The following KCNJ12 variants were observed in gnomAD, a reference collection of about 807,000 sequenced individuals.
KCNJ12 encodes potassium inwardly rectifying channel subfamily J member 12, also known as ATP-sensitive inward rectifier potassium channel 12.
KCNJ12 carries 2 observed loss-of-function variants against 22.3 expected under a neutral mutation model. The ratio of observed to expected loss-of-function variants is 0.09; its 90% CI spans 0.04 to 0.28. KCNJ12 has a LOEUF of 0.28. Among genes scored for constraint, KCNJ12 ranks in the 10% least tolerant of loss-of-function variants. The pLI, the probability that KCNJ12 is intolerant of heterozygous loss-of-function variation, is 1.00. For missense variants in KCNJ12, 155 were observed against 633.3 expected (o/e 0.24, Z 8.11); for synonymous variants, 117 against 261.4 (o/e 0.45, Z 5.33).
intron 2 of KCNJ12, among the ~76,000 whole-genome samples, chr17:21,411,206 C>T (rs12450180): frequency 1.6e-4 from 24 of 152,388 alleles, no homozygotes; most frequent in East Asian, 5.8e-4. Context: ...CAGTTCCATC[C>T]GGAAGCACCT....
chr17:21,411,227 C>T (rs1906324821), intron 2 of KCNJ12, among the ~76,000 whole-genome samples: 2 of 152,312 alleles, frequency 1.3e-5, no homozygotes, highest in African/African-American at 4.8e-5. Flanking sequence ...CCCGGTGACT[C>T]CTGGACCCCA....
At chr17:21,407,093 A>G (rs1299886355) in intron 1 of KCNJ12, among the ~76,000 whole-genome samples, 1 of 152,292 alleles carries the variant, frequency 6.6e-6, no homozygotes, top group Non-Finnish European at 1.5e-5. Context: ...CCACCTGCTC[A>G]TCCATCTAGT....
chr17:21,398,261 G>A (rs1423654117), intron 1 of KCNJ12, among the ~76,000 whole-genome samples: 3 of 152,202 alleles, frequency 2.0e-5, no homozygotes, highest in African/African-American at 7.2e-5. Context: ...GCACACGCAG[G>A]TGGACTGCAC....
intron 1 of KCNJ12, among the ~76,000 whole-genome samples, chr17:21,398,773 C>T (rs1402410971): frequency 6.6e-6 from 1 of 152,242 alleles, no homozygotes; most frequent in Non-Finnish European, 1.5e-5. Context: ...ACACATGTGA[C>T]ATGTTGCCAG....
intron 1 of KCNJ12, among the ~76,000 whole-genome samples, chr17:21,384,404 A>G (rs1905001423): frequency 6.6e-6 from 1 of 152,198 alleles, no homozygotes; most frequent in Admixed American, 6.5e-5. Flanking sequence ...TTTAAGTACC[A>G]GGAGAGGTAC....
At chr17:21,383,975 G>A (rs1281854958) in intron 1 of KCNJ12, among the ~76,000 whole-genome samples, 1 of 152,122 alleles carries the variant, frequency 6.6e-6, no homozygotes, top group Admixed American at 6.5e-5. Context: ...GTTGTAAGGG[G>A]AAAAGTGAAT....
chr17:21,394,447 T>G (rs1555559670), intron 1 of KCNJ12, among the ~76,000 whole-genome samples: 2 of 152,236 alleles, frequency 1.3e-5, no homozygotes, highest in Non-Finnish European at 2.9e-5. Flanking sequence ...GTGATGAAAC[T>G]GCCTGATGAC....
intron 1 of KCNJ12, among the ~76,000 whole-genome samples, chr17:21,383,810 C>G (rs1395444066): frequency 1.3e-5 from 2 of 152,190 alleles, no homozygotes; most frequent in African/African-American, 4.8e-5. Flanking sequence ...GTGGCCTGCA[C>G]AAGACCCCTG....
intron 1 of KCNJ12, among the ~76,000 whole-genome samples, chr17:21,379,500 G>A (rs1322329161): frequency 1.3e-5 from 2 of 152,112 alleles, no homozygotes; most frequent in South Asian, 2.1e-4. Context: ...TACTGTGAGC[G>A]ACACATGGGT....
intron 1 of KCNJ12, among the ~76,000 whole-genome samples, chr17:21,401,623 A>C (rs28621711): frequency 1.3e-5 from 2 of 150,206 alleles, no homozygotes; most frequent in East Asian, 4.0e-4. Context: ...GGGACAGGGA[A>C]GGGGTGGTCC....
intron 1 of KCNJ12, among the ~76,000 whole-genome samples, chr17:21,399,033 G>A (rs944264136): frequency 1.3e-5 from 2 of 152,198 alleles, no homozygotes; most frequent in Non-Finnish European, 2.9e-5. Context: ...CCCACCCTAG[G>A]AGGTGAGAAT....
intron 1 of KCNJ12, among the ~76,000 whole-genome samples, chr17:21,405,968 G>A (rs1254226301): frequency 3.9e-5 from 6 of 152,302 alleles, no homozygotes; most frequent in African/African-American, 1.4e-4. Context: ...TGGATTTGTG[G>A]TCTGGGGAAT....
rs1327222766 is a variant in KCNJ12 at position 21,418,238 on chromosome 17, A to G, written c.*1594A>G. 6.0e-6 allele frequency: 1 copy of G among 167,044 alleles called. No homozygotes were observed. 10.3% of individuals were successfully genotyped at this position (167,044 alleles called of 1,614,324 possible). A position where few individuals can be genotyped will look rare whatever the true frequency, so the allele number is the denominator to read the frequency against. On this transcript the variant is annotated 3_prime_UTR_variant, in exon 3 of 3. Transcript: ENST00000583088. ...TGCTCTCTTCTAGTCGGGCTTCTCC[A>G]GAAGCCAGTAATCAGAAAGGATGTG...
rs578151232 is a variant in KCNJ12, at chr17:21,382,575, G to C, written c.-179+5662G>C. ...GCAATGATCAACTCCAGCGGCTTTA[G>C]TGGCCAGCAGTGATCACCTCTGCAA... On this transcript the variant is annotated intron_variant, in intron 1 of 2. Transcript: ENST00000583088. Among the ~76,000 whole-genome samples the C allele has an allele frequency of 2.0e-5, 3 of 152,314 alleles. No homozygotes were observed. The South Asian group carries it at 6.2e-4, about 32-fold the overall frequency.
chr17:21,393,830 A>C (rs1905267551), intron 1 of KCNJ12, among the ~76,000 whole-genome samples: 1 of 152,204 alleles, frequency 6.6e-6, no homozygotes, highest in Non-Finnish European at 1.5e-5. Context: ...AGTAGGGCAA[A>C]CACCTGGCCA....
intron 1 of KCNJ12, among the ~76,000 whole-genome samples, chr17:21,388,094 T>TA (rs1462504235): frequency 1.3e-5 from 2 of 152,140 alleles, no homozygotes; most frequent in African/African-American, 2.4e-5. Context: ...CTTTTCAAGT[T>TA]AAAACCTCTT....
intron 1 of KCNJ12, among the ~76,000 whole-genome samples, chr17:21,382,782 A>T (rs1432011289): frequency 6.6e-6 from 1 of 152,016 alleles, no homozygotes; most frequent in Non-Finnish European, 1.5e-5. Flanking sequence ...GTGTGCCAGG[A>T]TGGGAGATTG....
intron 1 of KCNJ12, among the ~76,000 whole-genome samples, chr17:21,382,441 CT>C (rs1904900517): frequency 6.6e-6 from 1 of 152,194 alleles, no homozygotes; most frequent in Admixed American, 6.5e-5. Context: ...GCATTCCAGA[CT>C]CCCCACGGTC....
At chr17:21,385,458 G>A (rs551290152) in intron 1 of KCNJ12, among the ~76,000 whole-genome samples, 1 of 152,314 alleles carries the variant, frequency 6.6e-6, no homozygotes, top group East Asian at 1.9e-4. Context: ...TGTGGCCGGA[G>A]GCTCGGCCCT....
Sources: gnomAD v4.1 joint callset for allele counts (sites outside exome capture counted in the v4.1 genomes callset) on GRCh38, gnomAD v4.1.1 for gene constraint, MANE v1.5 for transcripts, NCBI Gene and HGNC (gene_info 2026-07-23, HGNC 2026-07-21) for gene names.